Variants in CIDEC observed in about 807,000 individuals in gnomAD.
CIDEC encodes lipid transferase CIDEC.
Under a neutral mutation model 21.9 loss-of-function variants are expected in CIDEC, and 11 were observed. That is an observed-to-expected ratio of 0.50 (90% CI 0.32 to 0.83). The LOEUF (loss-of-function observed/expected upper bound fraction) is 0.83, where lower values mean the gene tolerates loss of function less well. Ranked by LOEUF, CIDEC falls within the 40% of genes least tolerant of loss-of-function variation. CIDEC has a pLI of 0.04. For missense variants in CIDEC, 302 were observed against 302.3 expected, an observed-to-expected ratio of 1.00 and a Z score of 0.01; for synonymous variants, 127 against 124.9, an observed-to-expected ratio of 1.02 and a Z score of -0.11.
intron 4 of CIDEC, among the ~76,000 whole-genome samples, chr3:9,873,884 A>G (rs1439417083): frequency 6.6e-6 from 1 of 152,168 alleles, no homozygotes; most frequent in Non-Finnish European, 1.5e-5. Context: ...ACTAAGGAAC[A>G]TATCTTGCTA....
At chr3:9,869,582 A>G (rs1403762170) in intron 6 of CIDEC, among the ~76,000 whole-genome samples, 1 of 152,192 alleles carries the variant, frequency 6.6e-6, no homozygotes, top group African/African-American at 2.4e-5. Context: ...ATTGACTAGA[A>G]GACTACTTAG....
chr3:9,873,212 C>T (rs556927618), intron 4 of CIDEC, among the ~76,000 whole-genome samples: 1 of 152,176 alleles, frequency 6.6e-6, no homozygotes, highest in South Asian at 2.1e-4. Context: ...TTAGTTCTTA[C>T]ATTTAGGTCT....
rs1378173842 is a variant in CIDEC, at chr3:9,877,078, G to T, written c.195C>A (p.Asp65Glu). The T allele has an allele frequency of 6.4e-7, 1 of 1,551,782 alleles. No homozygotes were observed. The highest frequency in any genetic ancestry group is 1.2e-5 in the South Asian group (1 of 84,098). The change falls in exon 4 of 7, where the codon GAC (aspartate) becomes GAA (glutamate). Residue 65 changes from aspartate to glutamate, a missense_variant. Physicochemically the swap from Asp to Glu is conservative, Grantham distance 45. Transcript: ENST00000336832. ...RKGIMAYSLE[D>E]LLLKVRDTLM... ...CAGGTGCTCTCACCTTGAGGAGGAG[G>T]TCCTCAAGACTGTAAGCCATGATGC...
At chr3:9,867,355 C>A in intron 6 of CIDEC, 59 bp from the exon 7 acceptor site, 1 of 1,579,640 alleles carries the variant, frequency 6.3e-7, no homozygotes, top group South Asian at 1.1e-5. Flanking sequence ...GCATGGCGTT[C>A]ACGCCTGTAA....
chr3:9,868,673 G>C (rs550052316), intron 6 of CIDEC, among the ~76,000 whole-genome samples: 1 of 152,292 alleles, frequency 6.6e-6, no homozygotes, highest in East Asian at 1.9e-4. Flanking sequence ...TCAAAAATAA[G>C]TTTTAAGAAA....
chr3:9,867,666 G>A (rs1191754557), intron 6 of CIDEC, among the ~76,000 whole-genome samples: 1 of 151,128 alleles, frequency 6.6e-6, no homozygotes, highest in East Asian at 1.9e-4. Flanking sequence ...GGTGGCTCAT[G>A]CCTGTAATCC....
At chr3:9,873,264 CA>C (rs530075035) in intron 4 of CIDEC, among the ~76,000 whole-genome samples, 244 of 152,134 alleles carry the variant, frequency 1.6e-3, no homozygotes, top group Middle Eastern at 0.01. Context: ...GTTTCATCAT[CA>C]AAAAAAGTTG....
Position 9,878,881 on chromosome 3 carries a change from C to T in CIDEC, c.-26+61G>A, listed in dbSNP as rs180765357. The T allele has an allele frequency of 1.4e-4, 202 of 1,442,754 alleles. No individual in the cohort carries two copies. The African/African-American group carries it at 2.4e-3, about 17-fold the overall frequency. The allele number at this position is 1,442,754 out of a possible 1,614,324, so 89.4% of individuals were successfully genotyped here. A position where few individuals can be genotyped will look rare whatever the true frequency, so the allele number is the denominator to read the frequency against. ...TGTTCCTGTCCATGGGGACAGAGTC[C>T]ACTTTACGCTGGCAGGAGGTGAGTC... is the stretch of plus-strand genomic sequence containing the variant. On this transcript the variant is annotated intron_variant, in intron 2 of 6. Coordinates refer to ENST00000336832, the MANE Select transcript of CIDEC (RefSeq NM_001321142.2).
chr3:9,878,318 C>T (rs1407392596), intron 3 of CIDEC, 116 bp downstream of exon 3: 4 of 831,180 alleles, frequency 4.8e-6, no homozygotes, highest in Non-Finnish European at 8.4e-6. Flanking sequence ...CCTCCTGAAT[C>T]AGAATCTGCA....
intron 3 of CIDEC, 84 bp from the exon 4 acceptor site, chr3:9,877,303 C>T: frequency 1.5e-6 from 2 of 1,305,800 alleles, no homozygotes; most frequent in East Asian, 2.5e-5. Context: ...CCCCACCCCT[C>T]CTGACTGGGC....
intron 6 of CIDEC, among the ~76,000 whole-genome samples, chr3:9,868,139 A>G (rs780912146): frequency 3.3e-5 from 5 of 152,316 alleles, no homozygotes; most frequent in East Asian, 1.9e-4. Context: ...GATGGGATCA[A>G]GATTAGTGCG....
intron 4 of CIDEC, among the ~76,000 whole-genome samples, chr3:9,875,965 T>C (rs1303834029): frequency 6.6e-6 from 1 of 152,120 alleles, no homozygotes; most frequent in Non-Finnish European, 1.5e-5. Context: ...AGAAATGTAG[T>C]CTGCGCAGCC....
chr3:9,875,720 A>G (rs1022555228), intron 4 of CIDEC, among the ~76,000 whole-genome samples: 1 of 152,244 alleles, frequency 6.6e-6, no homozygotes, highest in Non-Finnish European at 1.5e-5. Flanking sequence ...GAAAATGCAC[A>G]TTGAAGTATC....
chr3:9,877,620 A>G (rs935888875), intron 3 of CIDEC, among the ~76,000 whole-genome samples: 2 of 152,164 alleles, frequency 1.3e-5, no homozygotes. Context: ...TGATGGTGCC[A>G]CTGCACTCCA....
intron 1 of CIDEC, among the ~76,000 whole-genome samples, chr3:9,879,392 G>C (rs1298997383): frequency 6.6e-6 from 1 of 152,114 alleles, no homozygotes; most frequent in African/African-American, 2.4e-5. Flanking sequence ...GGCTGGTCTT[G>C]AACTCCTGAC....
intron 4 of CIDEC, among the ~76,000 whole-genome samples, chr3:9,875,149 G>C (rs939031788): frequency 4.6e-5 from 7 of 152,140 alleles, no homozygotes; most frequent in Admixed American, 4.6e-4. Context: ...GTCGAGGCAG[G>C]CAGATCACGA....
Position 9,867,250 on chromosome 3 carries a change from C to CGTGGCCT in CIDEC, c.594_600dup (p.Val201ArgfsTer52), listed in dbSNP as rs1559246401. ...AGGTAACAGGAGGTGCCAAGCAGTACGTGGCCTGTGGCCTGCATGCTGAAG... is the reference window on the plus strand; with the variant it reads ...AGGTAACAGGAGGTGCCAAGCAGTACGTGGCCTGTGGCCTGTGGCCTGCATGCTGAAG... On this transcript the variant is annotated frameshift_variant, in exon 7 of 7. Coordinates refer to ENST00000336832, the MANE Select transcript of CIDEC (RefSeq NM_001321142.2). LOFTEE classifies it high-confidence loss of function. 3.1e-6 allele frequency: 5 copies of CGTGGCCT among 1,614,184 alleles called. No individual in the cohort carries two copies. Among genetic ancestry groups the CGTGGCCT allele is most frequent in the East Asian group, 2.2e-5 (1 of 44,886 alleles).
intron 6 of CIDEC, among the ~76,000 whole-genome samples, chr3:9,867,593 C>G (rs2082290261): frequency 1.3e-5 from 2 of 152,170 alleles, no homozygotes; most frequent in South Asian, 4.1e-4. Flanking sequence ...GCACTCCAGC[C>G]TGGGTGACAG....
intron 4 of CIDEC, among the ~76,000 whole-genome samples, chr3:9,874,518 AAATAATAATAAT>A (rs56760493): frequency 0.03 from 4,335 of 144,062 alleles, 216 homozygotes; most frequent in African/African-American, 0.1. Flanking sequence ...CCTTTCTCTA[AAATAATAATAAT>A]AATAATAATA....
Sources: gnomAD v4.1 joint callset for allele counts (sites outside exome capture counted in the v4.1 genomes callset) on GRCh38, gnomAD v4.1.1 for gene constraint, MANE v1.5 for transcripts, NCBI Gene and HGNC (gene_info 2026-07-23, HGNC 2026-07-21) for gene names.